Variants in HIPK1 observed in about 807,000 individuals in gnomAD.
The protein encoded by HIPK1 is homeodomain-interacting protein kinase 1.
Under a neutral mutation model 117.1 loss-of-function variants are expected in HIPK1, and 28 were observed. The ratio of observed to expected loss-of-function variants is 0.24; its 90% CI spans 0.18 to 0.33. HIPK1 has a LOEUF of 0.33. Ranked by LOEUF, HIPK1 falls within the 10% of genes least tolerant of loss-of-function variation. The pLI is 1.00. For synonymous variants in HIPK1, 605 were observed against 562.5 expected (o/e 1.08, Z -1.07); for missense variants, 1,122 against 1,475.1 (o/e 0.76, Z 3.92).
Position 113,940,734 on chromosome 1 carries a change from A to G in HIPK1, c.351A>G (p.Pro117=). 6 of 1,614,180 alleles carry G rather than the reference A, an allele frequency of 3.7e-6. No homozygotes were observed. Among genetic ancestry groups the G allele is most frequent in the East Asian group, 2.2e-5 (1 of 44,892 alleles). The change falls in exon 2 of 16, where the codon CCA becomes CCG. Residue 117 remains proline, a synonymous_variant. Transcript: ENST00000426820. The stretch of plus-strand genomic sequence containing the variant: ...GAAGCAACGTTTCTTTGCTTGAGCC[A>G]TATCAAAAATGTGGATTGAAACGAA... ...THRSNVSLLE[P]YQKCGLKRKS...
intron 1 of HIPK1, among the ~76,000 whole-genome samples, chr1:113,939,899 C>T (rs1424609346): frequency 6.6e-6 from 1 of 151,202 alleles, no homozygotes; most frequent in Non-Finnish European, 1.5e-5. Context: ...TATTTTTCTG[C>T]TAACTTTCCT....
chr1:113,970,241 T>C, intron 14 of HIPK1, 44 bp downstream of exon 14: 1 of 1,606,078 alleles, frequency 6.2e-7, no homozygotes, highest in Non-Finnish European at 8.5e-7. Context: ...TCCTTTGATG[T>C]GTGAATGCTT....
intron 8 of HIPK1, among the ~76,000 whole-genome samples, chr1:113,961,345 T>G (rs1469975671): frequency 6.6e-6 from 1 of 152,164 alleles, no homozygotes; most frequent in Non-Finnish European, 1.5e-5. Context: ...ATGACAAGAG[T>G]AGATTTCTAA....
At chr1:113,954,805 C>T in intron 4 of HIPK1, 35 bp downstream of exon 4, 2 of 1,565,352 alleles carry the variant, frequency 1.3e-6, no homozygotes, top group Non-Finnish European at 1.7e-6. Flanking sequence ...GACTCCTGTA[C>T]TCCACCCCTC....
intron 1 of HIPK1, among the ~76,000 whole-genome samples, chr1:113,934,784 G>GA (rs564619583): frequency 0.11 from 5,659 of 51,318 alleles, 563 homozygotes; most frequent in East Asian, 0.43. Flanking sequence ...CCTCATCTCT[G>GA]AAAAAAAAAA....
chr1:113,970,800 C>T (rs546050268), intron 14 of HIPK1, among the ~76,000 whole-genome samples: 1 of 152,310 alleles, frequency 6.6e-6, no homozygotes, highest in South Asian at 2.1e-4. Flanking sequence ...TTTTACTTCT[C>T]TCTCATATAA....
chr1:113,954,868 G>A, intron 4 of HIPK1, 98 bp downstream of exon 4: 3 of 1,136,688 alleles, frequency 2.6e-6, no homozygotes, highest in Non-Finnish European at 3.8e-6. Flanking sequence ...AGGTAGAGAA[G>A]GGAAAGGAGA....
Position 113,940,958 on chromosome 1 carries a change from T to A in HIPK1, c.575T>A (p.Val192Asp), listed in dbSNP as rs767352245. 6.2e-7 allele frequency: 1 copy of A among 1,614,096 alleles called. No homozygotes were observed. The highest frequency in any genetic ancestry group is 8.5e-7 in the Non-Finnish European group (1 of 1,180,022). ...ILCSMTNSYE[V>D]LEFLGRGTFG... ...TGCTCTATGACCAATAGCTATGAAGTCTTGGAGTTCCTAGGCCGGGGGACA... is the reference window on the plus strand; with the variant it reads ...TGCTCTATGACCAATAGCTATGAAGACTTGGAGTTCCTAGGCCGGGGGACA... Residue 192 changes from valine (V) to aspartate (D), a missense_variant, in exon 2 of 16, where the codon GTC (valine) becomes GAC (aspartate). Coordinates refer to ENST00000426820, the MANE Select transcript of HIPK1 (RefSeq NM_198268.3).
rs371462695 is a variant in HIPK1 at position 113,973,300 on chromosome 1, C to T, written c.3421C>T (p.His1141Tyr). ...TTTCTCCCCACAGGGTTCCTCAAGG[C>T]ATGCTGCAGCCTATACCACTCACCC... is the stretch of plus-strand genomic sequence containing the variant. ...HLFSPQGSSR[H>Y]AAAYTTHPST... The change falls in exon 16 of 16, where the codon CAT becomes TAT. Residue 1141 changes from histidine to tyrosine, a missense_variant. His to Tyr is a moderately conservative substitution (Grantham distance 83). Around this residue, in one of 6 missense-constraint regions of HIPK1, gnomAD observed 731 missense variants for 860.4 expected, o/e 0.85. Coordinates refer to ENST00000426820, the MANE Select transcript of HIPK1 (RefSeq NM_198268.3). The T allele has an allele frequency of 1.1e-4, 184 of 1,614,068 alleles. No individual in the cohort carries two copies. The highest frequency in any genetic ancestry group is 1.4e-4 in the Non-Finnish European group (165 of 1,180,034).
chr1:113,964,340 T>C (rs1170978814), intron 10 of HIPK1, among the ~76,000 whole-genome samples: 7 of 152,238 alleles, frequency 4.6e-5, no homozygotes, highest in Admixed American at 3.3e-4. Context: ...AGTTACTTAA[T>C]GTAGCTGCAA....
intron 2 of HIPK1, among the ~76,000 whole-genome samples, chr1:113,945,660 T>C (rs539189501): frequency 1.3e-5 from 2 of 152,326 alleles, no homozygotes; most frequent in South Asian, 4.1e-4. Context: ...AATTCTTATC[T>C]TCTATTGCTT....
In HIPK1 at chr1:113,941,263, C is replaced by A. The variant is rs1670619914; in HGVS notation, c.880C>A (p.Pro294Thr). The A allele has an allele frequency of 1.2e-6, 2 of 1,614,216 alleles. No individual in the cohort carries two copies. ...FSPLPLKYIR[P>T]ILQQVATALM... ...CCCACTGCCACTCAAGTACATCAGA[C>A]CAATCTTGCAGCAGGTGGCCACAGC... Residue 294 changes from proline (P) to threonine (T), a missense_variant, in exon 2 of 16, where the codon CCA (proline) becomes ACA (threonine). Coordinates refer to ENST00000426820, the MANE Select transcript of HIPK1 (RefSeq NM_198268.3). This position sits in a 1 kb window ranked among gnomAD's most constrained non-coding sequence, Gnocchi z 4.9.
chr1:113,931,648 A>AT (rs1198006987), intron 1 of HIPK1, among the ~76,000 whole-genome samples: 1 of 152,232 alleles, frequency 6.6e-6, no homozygotes, highest in African/African-American at 2.4e-5. Context: ...AGAAAAAAAA[A>AT]GAAGAGATAA....
chr1:113,930,013 C>T, intron 1 of HIPK1: 2 of 985,130 alleles, frequency 2.0e-6, no homozygotes, highest in Non-Finnish European at 2.4e-6. Context: ...GGGGCCGGGC[C>T]GGCCGCCGGC....
Position 113,957,296 on chromosome 1 carries a change from A to AT in HIPK1, c.1755+10_1755+11insT. On this transcript the variant is annotated intron_variant, in intron 7 of 15. Transcript: ENST00000426820. ...TACAGTGCACAATCAGGTATTCAAT[A>AT]AATAATTTTGGAAACTCAAGCTTAA... 6.2e-7 allele frequency: 1 copy of AT among 1,601,520 alleles called. No individual in the cohort carries two copies. The highest frequency in any genetic ancestry group is 2.2e-5 in the East Asian group (1 of 44,714).
intron 2 of HIPK1, among the ~76,000 whole-genome samples, chr1:113,946,188 C>T (rs1415206089): frequency 6.6e-6 from 1 of 152,164 alleles, no homozygotes; most frequent in African/African-American, 2.4e-5. Flanking sequence ...AGTCTCACCA[C>T]CAGCCACACC....
chr1:113,933,851 CAG>C lies in HIPK1; in HGVS notation c.-3+4322_-3+4323del, dbSNP rs1415788609. 5.3e-5 allele frequency among the ~76,000 whole-genome samples: 8 copies of C among 152,126 alleles called. No homozygotes were observed. In the South Asian group the frequency reaches 1.0e-3, roughly 20 times the overall value. On this transcript the variant is annotated intron_variant, in intron 1 of 15. Coordinates refer to ENST00000426820, the MANE Select transcript of HIPK1 (RefSeq NM_198268.3). ...GTGTACTGCACTCCGGTCTGGGTGA[CAG>C]AGTCTCAAATAAAGGGGGGAAGTTG...
intron 1 of HIPK1, chr1:113,932,333 T>TA (rs1669948547): frequency 1.3e-5 from 2 of 151,836 alleles, no homozygotes; most frequent in Non-Finnish European, 2.9e-5. Flanking sequence ...TGCTACTCAT[T>TA]AGCGCTGGGT....
chr1:113,935,979 C>T (rs1050935300), intron 1 of HIPK1, among the ~76,000 whole-genome samples: 1 of 152,188 alleles, frequency 6.6e-6, no homozygotes, highest in African/African-American at 2.4e-5. Flanking sequence ...AAGAGAATTG[C>T]CTCCCCACTT....
Sources: gnomAD v4.1 joint callset for allele counts (sites outside exome capture counted in the v4.1 genomes callset) on GRCh38, gnomAD v4.1.1 for gene constraint, gnomAD v4.1.1 regional missense constraint, Gnocchi (gnomAD v3.1) non-coding constraint, MANE v1.5 for transcripts, NCBI Gene and HGNC (gene_info 2026-07-23, HGNC 2026-07-21) for gene names.